The following RNF152 variants were observed in gnomAD, a reference collection of about 807,000 sequenced individuals.
RNF152 encodes ring finger protein 152.
In RNF152, 11 loss-of-function variants were observed where a neutral mutation model predicts 12.7. The observed-to-expected ratio is 0.86, with a 90% CI of 0.54 to 1.43. The LOEUF is 1.43. Ranked by LOEUF, RNF152 falls within the 40% of genes most tolerant of loss-of-function variation. The pLI is 0.00. For missense variants in RNF152, 255 were observed against 274.8 expected (o/e 0.93, Z 0.51); for synonymous variants, 113 against 120.3 (o/e 0.94, Z 0.40).
At chr18:61,871,537 T>C (rs567495864) in intron 1 of RNF152, among the ~76,000 whole-genome samples, 4 of 152,148 alleles carry the variant, frequency 2.6e-5, no homozygotes, top group Non-Finnish European at 5.9e-5. Context: ...AACAGAAGGG[T>C]TACTGCCCTC....
intron 1 of RNF152, among the ~76,000 whole-genome samples, chr18:61,867,531 GGGGCAAAGAGATATTT>G (rs1568287585): frequency 6.6e-6 from 1 of 152,078 alleles, no homozygotes; most frequent in East Asian, 1.9e-4. Context: ...AGGGGGAGCA[GGGGCAAAGAGATATTT>G]GAAAGGAGTT....
chr18:61,846,280 A>G (rs765788909), intron 1 of RNF152, among the ~76,000 whole-genome samples: 2 of 152,106 alleles, frequency 1.3e-5, no homozygotes, highest in Non-Finnish European at 2.9e-5. Flanking sequence ...ATCCCAAAAA[A>G]CTGTCTTTGG....
intron 1 of RNF152, among the ~76,000 whole-genome samples, chr18:61,866,044 T>C (rs550696313): frequency 6.3e-4 from 96 of 152,310 alleles, no homozygotes; most frequent in African/African-American, 2.2e-3. Context: ...CTGCCTGGGT[T>C]CATTCTTATG....
At position 61,816,250 on chromosome 18, in the gene RNF152, C is replaced by T. The variant is rs868149770; in HGVS notation, c.214G>A (p.Asp72Asn). The T allele has an allele frequency of 2.5e-6, 4 of 1,614,204 alleles. No homozygotes were observed. Among genetic ancestry groups the T allele is most frequent in the South Asian group, 1.1e-5 (1 of 91,076 alleles). The change falls in exon 2 of 2, where the codon GAC (aspartate) becomes AAC (asparagine). Residue 72 changes from aspartate (D) to asparagine (N), a missense_variant. By Grantham distance (23) the Asp-to-Asn change is conservative (BLOSUM62 1). Coordinates refer to ENST00000312828, the MANE Select transcript of RNF152 (RefSeq NM_173557.3). The part of the protein sequence containing the change: ...PGFSVSQLPD[D>N]PEVLAVIAIP... ...GCGATGACAGCCAGGACCTCCGGGT[C>T]GTCCGGGAGCTGCGACACGGAGAAG...
chr18:61,852,397 G>A lies in RNF152; in HGVS notation c.-135-35799C>T, dbSNP rs141622777. Among the ~76,000 whole-genome samples the A allele has an allele frequency of 6.6e-3, 1,009 of 152,300 alleles. 10 individuals carry two copies. Among genetic ancestry groups the A allele is most frequent in the African/African-American group, 0.023 (960 of 41,568 alleles). The stretch of plus-strand genomic sequence containing the variant: ...CCAGGACATACCAATCTGTGGTGCT[G>A]AACATACTCAAGAGTGTTGGGTAAT... On this transcript the variant is annotated intron_variant, in intron 1 of 1. Transcript: ENST00000312828.
At chr18:61,874,783 G>T (rs539531995) in intron 1 of RNF152, among the ~76,000 whole-genome samples, 2 of 152,182 alleles carry the variant, frequency 1.3e-5, no homozygotes, top group Non-Finnish European at 2.9e-5. Flanking sequence ...ATCCCAGTCT[G>T]GTTCTTAGCT....
chr18:61,868,980 G>A (rs1911862167), intron 1 of RNF152, among the ~76,000 whole-genome samples: 1 of 152,192 alleles, frequency 6.6e-6, no homozygotes, highest in Non-Finnish European at 1.5e-5. Context: ...CCAGTTTCAT[G>A]ATGAGAGTAA....
intron 1 of RNF152, among the ~76,000 whole-genome samples, chr18:61,892,544 A>G (rs1057339471): frequency 6.6e-6 from 1 of 152,232 alleles, no homozygotes; most frequent in African/African-American, 2.4e-5. Flanking sequence ...CAAAATTCCC[A>G]TGAAAGGAAA....
In RNF152 at chr18:61,883,145, C is replaced by A. The variant is rs575981319; in HGVS notation, c.-136+9650G>T. Among the ~76,000 whole-genome samples the A allele has an allele frequency of 4.6e-5, 7 of 152,268 alleles. 1 individual carries two copies. Among genetic ancestry groups the A allele is most frequent in the African/African-American group, 1.7e-4 (7 of 41,560 alleles). ...GGTTCAAAGCCCACAGTGTTCAGCC[C>A]CTCAACCTGTCCTGGAATGCATGTC... On this transcript the variant is annotated intron_variant, in intron 1 of 1. Coordinates refer to ENST00000312828, the MANE Select transcript of RNF152 (RefSeq NM_173557.3).
chr18:61,821,840 T>C (rs886810352), intron 1 of RNF152, among the ~76,000 whole-genome samples: 2 of 152,192 alleles, frequency 1.3e-5, no homozygotes, highest in Admixed American at 6.5e-5. Flanking sequence ...TGCACACTCT[T>C]TATGAGGATC....
intron 1 of RNF152, among the ~76,000 whole-genome samples, chr18:61,825,599 T>C (rs950498039): frequency 9.9e-5 from 15 of 152,176 alleles, no homozygotes; most frequent in African/African-American, 3.4e-4. Flanking sequence ...TAACTTAAGG[T>C]CTGGAGGCAG....
At chr18:61,871,932 GTATATGGGTCAATTCTCACAT>G (rs1249961494) in intron 1 of RNF152, among the ~76,000 whole-genome samples, 1 of 152,192 alleles carries the variant, frequency 6.6e-6, no homozygotes, top group Non-Finnish European at 1.5e-5. Flanking sequence ...ATTAAGGGCA[GTATATGGGTCAATTCTCACAT>G]TGCTATAAAG....
At position 61,813,278 on chromosome 18, in the gene RNF152, T is replaced by TCTCACACA. The variant is rs1290627068; in HGVS notation, c.*2573_*2574insTGTGTGAG. 8 of 117,276 alleles carry TCTCACACA rather than the reference T, an allele frequency of 6.8e-5. No individual in the cohort carries two copies. The highest frequency in any genetic ancestry group is 2.5e-4 in the African/African-American group (8 of 32,420). 7.3% of individuals were successfully genotyped at this position (117,276 alleles called of 1,614,324 possible). A position where few individuals can be genotyped will look rare whatever the true frequency, so the allele number is the denominator to read the frequency against. On this transcript the variant is annotated 3_prime_UTR_variant, in exon 2 of 2. Coordinates refer to ENST00000312828, the MANE Select transcript of RNF152 (RefSeq NM_173557.3). Reference sequence around the variant, plus strand: ...GAGATTCTCTCTCTCTCTCTCTCTCTCACACACACACACACACACACACAC... The same window carrying TCTCACACA: ...GAGATTCTCTCTCTCTCTCTCTCTCTCTCACACACACACACACACACACACACACACAC...
chr18:61,894,169 G>C (rs1913110921), upstream of RNF152: 1 of 152,154 alleles, frequency 6.6e-6, no homozygotes, highest in Admixed American at 6.6e-5. The surrounding 1 kb of genome is among the most constrained non-coding windows in gnomAD (Gnocchi z 4.9). Context: ...CGGCGGGCTC[G>C]GGTGCTCGCT....
intron 1 of RNF152, among the ~76,000 whole-genome samples, chr18:61,844,184 AGGAAGGAAGGGAAGGAGGGAG>A (rs1910639142): frequency 3.7e-5 from 5 of 134,600 alleles, no homozygotes; most frequent in Admixed American, 1.5e-4. Flanking sequence ...GAAGAGAGGA[AGGAAGGAAGGGAAGGAGGGAG>A]GGAAGGAGGG....
chr18:61,817,922 C>T (rs1248680177), intron 1 of RNF152, among the ~76,000 whole-genome samples: 1 of 152,118 alleles, frequency 6.6e-6, no homozygotes, highest in Non-Finnish European at 1.5e-5. Context: ...GCCATGATGA[C>T]TCTAGAAAGA....
At chr18:61,840,609 G>A (rs1910408687) in intron 1 of RNF152, among the ~76,000 whole-genome samples, 1 of 152,110 alleles carries the variant, frequency 6.6e-6, no homozygotes, top group Non-Finnish European at 1.5e-5. Context: ...GGGTCCCAGG[G>A]AGCCTGAGAA....
chr18:61,823,661 C>T (rs1271869834), intron 1 of RNF152, among the ~76,000 whole-genome samples: 1 of 152,234 alleles, frequency 6.6e-6, no homozygotes, highest in East Asian at 1.9e-4. Context: ...GCTGACAGTG[C>T]TGGAGGCCAA....
At chr18:61,837,326 A>C (rs1249692880) in intron 1 of RNF152, among the ~76,000 whole-genome samples, 2 of 152,220 alleles carry the variant, frequency 1.3e-5, no homozygotes, top group Non-Finnish European at 2.9e-5. Context: ...GAAAATGCCC[A>C]AAGTGATACA....
Sources: allele counts gnomAD v4.1 joint callset (sites outside exome capture counted in the v4.1 genomes callset), GRCh38; gene constraint gnomAD v4.1.1; non-coding constraint Gnocchi (gnomAD v3.1); transcripts MANE v1.5; gene names NCBI Gene and HGNC (gene_info 2026-07-23, HGNC 2026-07-21).